The following PDIA4 variants were observed in gnomAD, a reference collection of about 807,000 sequenced individuals.
The protein encoded by PDIA4 is protein disulfide-isomerase A4.
A neutral mutation model predicts 62.1 loss-of-function variants in PDIA4; 33 were observed. The observed-to-expected ratio is 0.53, with a 90% CI of 0.40 to 0.71. The LOEUF (loss-of-function observed/expected upper bound fraction) is 0.71. Ranked by LOEUF, PDIA4 falls within the 30% of genes least tolerant of loss-of-function variation. The pLI is 0.00. For synonymous variants in PDIA4, 341 were observed against 324.1 expected, an observed-to-expected ratio of 1.05 and a Z score of -0.56; for missense variants, 804 against 813.6, an observed-to-expected ratio of 0.99 and a Z score of 0.14.
At chr7:149,013,888 C>T (rs934368900) in intron 4 of PDIA4, among the ~76,000 whole-genome samples, 1 of 152,156 alleles carries the variant, frequency 6.6e-6, no homozygotes, top group African/African-American at 2.4e-5. Context: ...AAGCAACCCA[C>T]CAGTTAGATG....
intron 4 of PDIA4, among the ~76,000 whole-genome samples, chr7:149,014,244 GCCTC>G (rs1585420175): frequency 6.6e-6 from 1 of 152,036 alleles, no homozygotes; most frequent in East Asian, 1.9e-4. Flanking sequence ...ATCAGCCATG[GCCTC>G]CACCTGCTGG....
rs1432742273 is a variant in PDIA4 at position 149,003,610 on chromosome 7, T to C, written c.*184A>G. The C allele has an allele frequency of 9.3e-6, 4 of 429,478 alleles. No homozygotes were observed. The highest frequency in any genetic ancestry group is 8.0e-6 in the Non-Finnish European group (2 of 248,940). 26.6% of individuals were successfully genotyped at this position (429,478 alleles called of 1,614,324 possible). On this transcript the variant is annotated 3_prime_UTR_variant, in exon 10 of 10. Transcript: ENST00000652332. ...TCCTCTGTAAAAATCTGGACTAAAC[T>C]ATTCAGTCATTCATGGTTATTCAGT...
intron 1 of PDIA4, among the ~76,000 whole-genome samples, chr7:149,024,814 TAAAAAAAAA>T (rs539798193): frequency 0.031 from 2,781 of 89,346 alleles, 93 homozygotes; most frequent in African/African-American, 0.084. Context: ...GACTGTCATT[TAAAAAAAAA>T]AAAAAAAAAA....
intron 5 of PDIA4, 37 bp downstream of exon 5, chr7:149,012,118 T>C (rs1823965087): frequency 6.2e-7 from 1 of 1,611,766 alleles, no homozygotes; most frequent in African/African-American, 1.3e-5. Flanking sequence ...GGAGTTTCCC[T>C]TCCCCACTGT....
intron 1 of PDIA4, 83 bp downstream of exon 1, chr7:149,028,238 G>T: frequency 9.7e-7 from 1 of 1,035,600 alleles, no homozygotes; most frequent in South Asian, 1.7e-5. Context: ...AAGCCCGCCC[G>T]CCGGGGTCGC....
At chr7:149,014,545 T>C (rs931922853) in intron 4 of PDIA4, among the ~76,000 whole-genome samples, 11 of 152,120 alleles carry the variant, frequency 7.2e-5, no homozygotes, top group Admixed American at 2.0e-4. Flanking sequence ...ACGCAACTGG[T>C]TGTGCGTCCC....
rs143822701 is a variant in PDIA4 at position 149,005,189 on chromosome 7, C to T, written c.1474G>A (p.Glu492Lys). 2.4e-5 allele frequency: 39 copies of T among 1,614,020 alleles called. No individual in the cohort carries two copies. In the African/African-American group the frequency reaches 4.7e-4, roughly 19 times the overall value. ...TCGCGGAGGGTGTCAGAGTCAAACT[C>T]CTCTGGCTCCATGGCGAACTTCTTC... ...SGKKFAMEPE[E>K]FDSDTLREFV... Residue 492 changes from glutamate (E) to lysine (K), a missense_variant, in exon 9 of 10, where the codon GAG (glutamate) becomes AAG (lysine). Coordinates refer to ENST00000652332, the MANE Select transcript of PDIA4 (RefSeq NM_004911.5).
At chr7:149,024,871 C>A (rs1210895547) in intron 1 of PDIA4, among the ~76,000 whole-genome samples, 3 of 145,400 alleles carry the variant, frequency 2.1e-5, no homozygotes, top group Non-Finnish European at 4.5e-5. Context: ...ACGCCTGTAA[C>A]CCCAACACTC....
intron 3 of PDIA4, among the ~76,000 whole-genome samples, chr7:149,016,621 C>T (rs1457188167): frequency 1.3e-5 from 2 of 152,046 alleles, no homozygotes; most frequent in Admixed American, 6.6e-5. Flanking sequence ...CGGGTTCACG[C>T]CATTCTCCTG....
chr7:149,003,674 T>TAAA lies in PDIA4; in HGVS notation c.*117_*119dup, dbSNP rs762007812. 7.4e-6 allele frequency: 4 copies of TAAA among 543,192 alleles called. No homozygotes were observed. The highest frequency in any genetic ancestry group is 2.1e-5 in the African/African-American group (1 of 47,982). 33.6% of individuals were successfully genotyped at this position (543,192 alleles called of 1,614,324 possible). On this transcript the variant is annotated 3_prime_UTR_variant, in exon 10 of 10. Coordinates refer to ENST00000652332, the MANE Select transcript of PDIA4 (RefSeq NM_004911.5). ...AGTGAAACACCAAAGTATAAAAAATTAAAAAAAAAAAAAAAGGAATCCGAG... is the reference window on the plus strand; with the variant it reads ...AGTGAAACACCAAAGTATAAAAAATTAAAAAAAAAAAAAAAAAAGGAATCCGAG...
chr7:149,006,327 A>G (rs1037474613), intron 7 of PDIA4: 10 of 374,154 alleles, frequency 2.7e-5, no homozygotes, highest in Non-Finnish European at 4.3e-5. Flanking sequence ...TAACCCCACA[A>G]AGAGACCACT....
rs996205215 is a variant in PDIA4, at chr7:149,028,324, C to T, written c.85G>A (p.Glu29Lys). 2.0e-6 allele frequency: 3 copies of T among 1,521,062 alleles called. No individual in the cohort carries two copies. Among genetic ancestry groups the T allele is most frequent in the Non-Finnish European group, 2.6e-6 (3 of 1,137,760 alleles). The allele number at this position is 1,521,062 out of a possible 1,614,324, so 94.2% of individuals were successfully genotyped here. A position where few individuals can be genotyped will look rare whatever the true frequency, so the allele number is the denominator to read the frequency against. Residue 29 changes from glutamate to lysine, a missense_variant, in exon 1 of 10, where the codon GAG becomes AAG. Transcript: ENST00000652332. ...CCGCGGCGCGCTTGCCGCTCACCCT[C>T]GTCCGGGCCCTCGGCACCCGCCACG... The part of the protein sequence containing the change: ...LAVAGAEGPD[E>K]DSSNRENAIE...
At chr7:149,016,593 A>G (rs1426548109) in intron 3 of PDIA4, among the ~76,000 whole-genome samples, 2 of 151,600 alleles carry the variant, frequency 1.3e-5, no homozygotes, top group Admixed American at 6.6e-5. Flanking sequence ...ATCTCGGCTC[A>G]CTGCAACCTC....
Position 149,005,364 on chromosome 7 carries a change from A to G in PDIA4, c.1299T>C (p.Phe433=). 1 of 1,613,450 alleles carries G rather than the reference A, an allele frequency of 6.2e-7. No individual in the cohort carries two copies. The highest frequency in any genetic ancestry group is 8.5e-7 in the Non-Finnish European group (1 of 1,179,384). The change falls in exon 9 of 10, where the codon TTT becomes TTC. Residue 433 remains phenylalanine, a synonymous_variant. Coordinates refer to ENST00000652332, the MANE Select transcript of PDIA4 (RefSeq NM_004911.5). ...FSFDYRAATQ[F]WRSKVLEVAK... ...CCACCTCTAGGACTTTGCTCCGCCA[A>G]AACTGAGTTGCTGAAAGGGACCAAG...
intron 3 of PDIA4, among the ~76,000 whole-genome samples, chr7:149,017,987 T>C (rs771712771): frequency 5.3e-5 from 8 of 152,154 alleles, no homozygotes; most frequent in Admixed American, 3.9e-4. Context: ...CCCAGCACTT[T>C]AGGAGGCCAA....
At chr7:149,016,557 C>T (rs1025085555) in intron 3 of PDIA4, among the ~76,000 whole-genome samples, 34 of 151,490 alleles carry the variant, frequency 2.2e-4, no homozygotes, top group African/African-American at 7.5e-4. Context: ...GTCTCGCTGT[C>T]GCCCAGGCTG....
In PDIA4 at chr7:149,003,416, C is replaced by T. The variant is rs78738353; in HGVS notation, c.*378G>A. On this transcript the variant is annotated 3_prime_UTR_variant, in exon 10 of 10. Transcript: ENST00000652332. ...TCTACGCCAACAATTTCTCAGACAA[C>T]GAAAAAGCAAAGAGCAAAATCAACA... is the stretch of plus-strand genomic sequence containing the variant. The T allele has an allele frequency of 5.9e-3, 941 of 160,268 alleles. 5 individuals are homozygous for T. The highest frequency in any genetic ancestry group is 0.022 in the African/African-American group (900 of 41,802). The allele number at this position is 160,268 out of a possible 1,614,324, so 9.9% of individuals were successfully genotyped here.
chr7:149,007,579 G>T (rs1823807201), intron 7 of PDIA4, among the ~76,000 whole-genome samples: 1 of 152,252 alleles, frequency 6.6e-6, no homozygotes, highest in South Asian at 2.1e-4. Flanking sequence ...TCAGAAGGCT[G>T]AACTGGCCCC....
intron 1 of PDIA4, chr7:149,027,927 G>A: frequency 2.0e-6 from 1 of 492,266 alleles, no homozygotes; most frequent in Non-Finnish European, 4.1e-6. Context: ...CTCTCCAGTG[G>A]CTCTCCCTCT....
Sources: allele counts gnomAD v4.1 joint callset (sites outside exome capture counted in the v4.1 genomes callset), GRCh38; gene constraint gnomAD v4.1.1; transcripts MANE v1.5; gene names NCBI Gene and HGNC (gene_info 2026-07-23, HGNC 2026-07-21).